Variants in CDK12 observed in about 807,000 individuals in gnomAD.
CDK12 encodes cyclin dependent kinase 12.
CDK12 carries 17 observed loss-of-function variants against 133.8 expected under a neutral mutation model. The observed-to-expected ratio is 0.13, with a 90% confidence interval of 0.09 to 0.19. The LOEUF (loss-of-function observed/expected upper bound fraction) is 0.19, where lower values mean the gene tolerates loss of function less well. Among genes scored for constraint, CDK12 ranks in the 10% least tolerant of loss-of-function variants. The pLI is 1.00. For missense variants in CDK12, 1,508 were observed against 1,818.7 expected, an observed-to-expected ratio of 0.83 and a Z score of 3.11; for synonymous variants, 694 against 683.6, an observed-to-expected ratio of 1.02 and a Z score of -0.24.
At chr17:39,521,640 A>G (rs988328077) in intron 11 of CDK12, among the ~76,000 whole-genome samples, 4 of 151,670 alleles carry the variant, frequency 2.6e-5, no homozygotes, top group African/African-American at 7.3e-5. Context: ...GCTCACTGCA[A>G]CCTCCATCTC....
chr17:39,563,672 A>ACCG (rs1418998993), intron 3 of CDK12, among the ~76,000 whole-genome samples: 1 of 151,984 alleles, frequency 6.6e-6, no homozygotes, highest in African/African-American at 2.4e-5. Context: ...GCTTCGCAGC[A>ACCG]CCGCCTGCGG....
chr17:39,480,947 C>G (rs368273588), intron 2 of CDK12, among the ~76,000 whole-genome samples: 13 of 152,236 alleles, frequency 8.5e-5, no homozygotes, highest in East Asian at 5.8e-4. Context: ...CATCTGTATA[C>G]TTTTCTTAGA....
chr17:39,541,626 A>T (rs531848609), intron 1 of CDK12, among the ~76,000 whole-genome samples: 2 of 152,244 alleles, frequency 1.3e-5, no homozygotes, highest in South Asian at 4.1e-4. Flanking sequence ...AAGTGCTGGG[A>T]TTACAGGCGT....
downstream of CDK12, among the ~76,000 whole-genome samples, chr17:39,565,404 G>A (rs888183380): frequency 2.2e-5 from 3 of 137,584 alleles, no homozygotes; most frequent in Admixed American, 7.5e-5. Flanking sequence ...GTGAGCCACC[G>A]CACCCAGCCT....
chr17:39,506,277 G>T (rs996143033), intron 6 of CDK12, among the ~76,000 whole-genome samples: 1 of 146,794 alleles, frequency 6.8e-6, no homozygotes, highest in Non-Finnish European at 1.5e-5. Flanking sequence ...ATGTAGTGGC[G>T]CTATCTCGGC....
At chr17:39,464,087 G>C (rs2144945104) in intron 1 of CDK12, among the ~76,000 whole-genome samples, 1 of 152,144 alleles carries the variant, frequency 6.6e-6, no homozygotes, top group African/African-American at 2.4e-5. Flanking sequence ...TACTTTTAAG[G>C]GTTGTGATGA....
At chr17:39,559,079 G>A (rs151004391) in intron 3 of CDK12, among the ~76,000 whole-genome samples, 104 of 152,238 alleles carry the variant, frequency 6.8e-4, no homozygotes, top group African/African-American at 2.4e-3. Context: ...TTCCTCATTG[G>A]AATTCTACAT....
In CDK12 at chr17:39,462,429, C is replaced by G. The variant is rs752782484; in HGVS notation, c.358C>G (p.Arg120Gly). 1.9e-6 allele frequency: 3 copies of G among 1,613,914 alleles called. No individual in the cohort carries two copies. Among genetic ancestry groups the G allele is most frequent in the African/African-American group, 1.3e-5 (1 of 74,870 alleles). The change falls in exon 1 of 14, where the codon CGG becomes GGG. Residue 120 changes from arginine to glycine, a missense_variant. Around this residue, in one of 9 missense-constraint regions of CDK12, gnomAD observed 460 missense variants for 490.8 expected, o/e 0.94. Transcript: ENST00000447079. ...TCGTCACCACCAGCACAGGCGTTCC[C>G]GGGACTTACTAAAAGCTAAACAGAC... ...KHRHHQHRRS[R>G]DLLKAKQTEK...
chr17:39,516,248 A>G (rs2053795993), intron 9 of CDK12, among the ~76,000 whole-genome samples: 1 of 152,236 alleles, frequency 6.6e-6, no homozygotes, highest in South Asian at 2.1e-4. Context: ...AATACAACCT[A>G]TAATAGAAAA....
rs1396371233 is a variant in CDK12, at chr17:39,533,011, G to T, written c.*1695G>T. On this transcript the variant is annotated 3_prime_UTR_variant, in exon 14 of 14. Transcript: ENST00000447079. Reference sequence around the variant, plus strand: ...GTAGTTTTCAAAACTCAAGTTTCATGTTTCAATGCCAAGTTCTTATTTTAA... The same window carrying T: ...GTAGTTTTCAAAACTCAAGTTTCATTTTTCAATGCCAAGTTCTTATTTTAA... 4.3e-6 allele frequency: 1 copy of T among 231,030 alleles called. No homozygotes were observed. The allele number at this position is 231,030 out of a possible 1,614,324, so 14.3% of individuals were successfully genotyped here.
intron 3 of CDK12, among the ~76,000 whole-genome samples, chr17:39,563,522 TC>T (rs1221301300): frequency 8.0e-6 from 1 of 124,600 alleles, no homozygotes; most frequent in Non-Finnish European, 1.6e-5. Flanking sequence ...CCAACTTTTT[TC>T]CCCCTCCCCT....
At chr17:39,474,843 T>A (rs1400006068) in intron 2 of CDK12, among the ~76,000 whole-genome samples, 1 of 149,130 alleles carries the variant, frequency 6.7e-6, no homozygotes, top group African/African-American at 2.5e-5. Flanking sequence ...TTTATTTTTA[T>A]TTTTTTTTGA....
At chr17:39,494,232 C>G (rs2145908096) in intron 4 of CDK12, among the ~76,000 whole-genome samples, 1 of 152,112 alleles carries the variant, frequency 6.6e-6, no homozygotes, top group African/African-American at 2.4e-5. Flanking sequence ...CACCACCACG[C>G]CCAGCTAATT....
intron 5 of CDK12, among the ~76,000 whole-genome samples, chr17:39,496,525 C>T (rs935954651): frequency 6.6e-6 from 1 of 152,080 alleles, no homozygotes; most frequent in South Asian, 2.1e-4. Flanking sequence ...GATGGTGAAA[C>T]CCTATCTCTA....
At chr17:39,542,514 TTTC>T (rs937840455) in intron 1 of CDK12, among the ~76,000 whole-genome samples, 1 of 147,488 alleles carries the variant, frequency 6.8e-6, no homozygotes, top group African/African-American at 2.5e-5. Context: ...TTCTTTTTCT[TTTC>T]TTTTTTTTTG....
At position 39,534,257 on chromosome 17, in the gene CDK12, C is replaced by T. The variant is rs554662469; in HGVS notation, c.*2941C>T. Reference sequence around the variant, plus strand: ...TATTAGCTTATGCCATAGACATCACCCAACCACTTGTATGTGTGTGTGTAT... The same window carrying T: ...TATTAGCTTATGCCATAGACATCACTCAACCACTTGTATGTGTGTGTGTAT... On this transcript the variant is annotated 3_prime_UTR_variant, in exon 14 of 14. Coordinates refer to ENST00000447079, the MANE Select transcript of CDK12 (RefSeq NM_016507.4). 62 of 232,876 alleles carry T rather than the reference C, an allele frequency of 2.7e-4. No individual in the cohort carries two copies. The East Asian group carries it at 3.7e-3, about 14-fold the overall frequency. 14.4% of individuals were successfully genotyped at this position (232,876 alleles called of 1,614,324 possible).
chr17:39,516,312 G>GT (rs778797157), intron 9 of CDK12, among the ~76,000 whole-genome samples: 15 of 151,766 alleles, frequency 9.9e-5, no homozygotes, highest in East Asian at 9.7e-4. Context: ...TTTTTGTTTT[G>GT]TTTTTTTCAA....
Position 39,520,026 on chromosome 17 carries a change from G to C in CDK12, c.3034G>C (p.Glu1012Gln), listed in dbSNP as rs781758575. 5 of 1,614,020 alleles carry C rather than the reference G, an allele frequency of 3.1e-6. No homozygotes were observed. Among genetic ancestry groups the C allele is most frequent in the Non-Finnish European group, 4.2e-6 (5 of 1,179,980 alleles). ...TLDPSKRCTA[E>Q]QTLQSDFLKD... ...AGATCCTAGTAAGCGGTGCACAGCT[G>C]AACAGACCCTACAGAGCGACTTCCT... Residue 1012 changes from glutamate to glutamine, a missense_variant, in exon 11 of 14, where the codon GAA becomes CAA. This residue lies in a region of CDK12 where 399 missense variants were observed against 469.6 expected (regional missense o/e 0.85). Transcript: ENST00000447079.
intron 8 of CDK12, among the ~76,000 whole-genome samples, chr17:39,514,311 A>G (rs548302486): frequency 1.3e-5 from 2 of 152,368 alleles, no homozygotes; most frequent in African/African-American, 4.8e-5. Context: ...ATTCTAACAG[A>G]AAAGTGCTAC....
Sources: allele counts gnomAD v4.1 joint callset (sites outside exome capture counted in the v4.1 genomes callset), GRCh38; gene constraint gnomAD v4.1.1; regional missense constraint gnomAD v4.1.1; transcripts MANE v1.5; gene names NCBI Gene and HGNC (gene_info 2026-07-23, HGNC 2026-07-21).